Variants in PDE10A observed in about 807,000 individuals in gnomAD.
PDE10A encodes cAMP and cAMP-inhibited cGMP 3',5'-cyclic phosphodiesterase 10A.
PDE10A carries 39 observed loss-of-function variants against 97.7 expected under a neutral mutation model. The ratio of observed to expected loss-of-function variants is 0.40; its 90% confidence interval spans 0.31 to 0.52. The LOEUF is 0.52. Among genes scored for constraint, PDE10A ranks in the 20% least tolerant of loss-of-function variants. The probability of loss-of-function intolerance (pLI) is 0.56; values close to 1 mark genes in which losing one functional copy is unlikely to be tolerated. For missense variants in PDE10A, 731 were observed against 1,047.8 expected (o/e 0.70, Z 4.17); for synonymous variants, 371 against 376.8 (o/e 0.98, Z 0.18).
chr6:165,522,337 G>A (rs73247775), intron 2 of PDE10A, among the ~76,000 whole-genome samples: 1,577 of 152,116 alleles, frequency 0.01, 31 homozygotes, highest in African/African-American at 0.035. Flanking sequence ...ATCTGGCAAA[G>A]ACACAATGCA....
In PDE10A at chr6:165,329,962, C is replaced by T. The variant is rs1195102607; in HGVS notation, c.*3063G>A. The T allele has an allele frequency of 2.0e-5, 3 of 152,176 alleles. No individual in the cohort carries two copies. The highest frequency in any genetic ancestry group is 4.4e-5 in the Non-Finnish European group (3 of 68,020). 9.4% of individuals were successfully genotyped at this position (152,176 alleles called of 1,614,324 possible). ...GGCTATTTTTTAGAATTAGTTTCCACATCCATTGTATTTCTTTTGACCCTT... is the reference window on the plus strand; with the variant it reads ...GGCTATTTTTTAGAATTAGTTTCCATATCCATTGTATTTCTTTTGACCCTT... On this transcript the variant is annotated 3_prime_UTR_variant, in exon 22 of 22. Coordinates refer to ENST00000539869, the MANE Select transcript of PDE10A (RefSeq NM_001385079.1).
intron 1 of PDE10A, among the ~76,000 whole-genome samples, chr6:165,879,955 G>A (rs975383599): frequency 2.6e-5 from 4 of 151,532 alleles, no homozygotes; most frequent in African/African-American, 9.7e-5. Context: ...CAGTAAAGTT[G>A]GGAAATTTAT....
At chr6:165,504,392 A>T (rs1781073522) in intron 2 of PDE10A, among the ~76,000 whole-genome samples, 1 of 152,234 alleles carries the variant, frequency 6.6e-6, no homozygotes, top group Non-Finnish European at 1.5e-5. Flanking sequence ...AATAAATGAC[A>T]GCATCATTAA....
chr6:165,710,945 A>G (rs1359677389), intron 1 of PDE10A, among the ~76,000 whole-genome samples: 1 of 152,230 alleles, frequency 6.6e-6, no homozygotes, highest in Non-Finnish European at 1.5e-5. Context: ...CCCGGCTAAG[A>G]GCCGTAAGAG....
chr6:165,848,745 A>T (rs888917431), intron 1 of PDE10A, among the ~76,000 whole-genome samples: 1 of 152,192 alleles, frequency 6.6e-6, no homozygotes, highest in Non-Finnish European at 1.5e-5. Flanking sequence ...TTGCTGTTCC[A>T]GAGGAACAGT....
At chr6:165,486,178 A>G (rs1779905977) in intron 2 of PDE10A, among the ~76,000 whole-genome samples, 1 of 152,248 alleles carries the variant, frequency 6.6e-6, no homozygotes, top group African/African-American at 2.4e-5. Context: ...CAAGGCAACA[A>G]TGCTTGTTAA....
intron 1 of PDE10A, among the ~76,000 whole-genome samples, chr6:165,607,233 C>T (rs1165538099): frequency 6.6e-6 from 1 of 152,184 alleles, no homozygotes; most frequent in East Asian, 1.9e-4. Context: ...TTAATTTGGA[C>T]AGCAATGCTT....
At chr6:165,770,726 C>G (rs930148880) in intron 1 of PDE10A, among the ~76,000 whole-genome samples, 4 of 152,208 alleles carry the variant, frequency 2.6e-5, no homozygotes, top group African/African-American at 7.2e-5. Flanking sequence ...GGGCATTAAC[C>G]TTCAAGCTGG....
intron 1 of PDE10A, among the ~76,000 whole-genome samples, chr6:165,847,131 C>A (rs956683979): frequency 1.3e-5 from 2 of 152,214 alleles, no homozygotes; most frequent in African/African-American, 4.8e-5. Context: ...ACCATACACA[C>A]CTAATCACAG....
chr6:165,390,419 T>C (rs1460766095), intron 16 of PDE10A, among the ~76,000 whole-genome samples: 3 of 152,166 alleles, frequency 2.0e-5, no homozygotes, highest in African/African-American at 7.2e-5. Context: ...ACATGGGGTT[T>C]ACTGCAAAGA....
chr6:165,526,844 C>A (rs1460591325), intron 2 of PDE10A, among the ~76,000 whole-genome samples: 1 of 152,216 alleles, frequency 6.6e-6, no homozygotes, highest in Non-Finnish European at 1.5e-5. Context: ...GCAAAGCCAG[C>A]AATATACCTT....
At chr6:165,946,498 TA>T (rs57063900) in intron 1 of PDE10A, among the ~76,000 whole-genome samples, 3,442 of 128,480 alleles carry the variant, frequency 0.027, 79 homozygotes, top group African/African-American at 0.056. Context: ...TATCTCAAAA[TA>T]AAAAAAAAAA....
chr6:165,621,771 A>AAAGAAGAAG (rs1554297071), intron 1 of PDE10A, among the ~76,000 whole-genome samples: 1,446 of 134,708 alleles, frequency 0.011, 35 homozygotes, highest in African/African-American at 0.037. Flanking sequence ...AAGAAAAAAA[A>AAAGAAGAAG]AAGAAGAAGA....
At chr6:165,406,228 A>ATGTGTGTGTTTGTG (rs1554256589) in intron 13 of PDE10A, among the ~76,000 whole-genome samples, 5,123 of 140,504 alleles carry the variant, frequency 0.036, 151 homozygotes, top group South Asian at 0.098. Context: ...AGGGAAAAGG[A>ATGTGTGTGTTTGTG]TGTGTGTGTG....
intron 1 of PDE10A, among the ~76,000 whole-genome samples, chr6:165,912,371 T>C (rs1169132238): frequency 6.6e-6 from 1 of 152,222 alleles, no homozygotes; most frequent in African/African-American, 2.4e-5. Context: ...AGTGTTGTGC[T>C]TGTTTCTGAG....
intron 1 of PDE10A, among the ~76,000 whole-genome samples, chr6:165,752,434 T>C (rs1054736056): frequency 2.0e-5 from 3 of 152,220 alleles, no homozygotes; most frequent in Non-Finnish European, 4.4e-5. Context: ...CCTGGGCTCC[T>C]GGCCTAGACA....
intron 2 of PDE10A, among the ~76,000 whole-genome samples, chr6:165,524,538 C>T (rs1018628517): frequency 2.0e-5 from 3 of 152,134 alleles, no homozygotes; most frequent in Non-Finnish European, 4.4e-5. Context: ...AACCAAGGAA[C>T]ATAATGAAGT....
At chr6:165,467,545 C>T (rs1778729193) in intron 3 of PDE10A, among the ~76,000 whole-genome samples, 1 of 152,138 alleles carries the variant, frequency 6.6e-6, no homozygotes, top group Non-Finnish European at 1.5e-5. Context: ...TCTAGAAATG[C>T]AAGAACAAAG....
chr6:165,387,243 T>C (rs1019444289), intron 17 of PDE10A, among the ~76,000 whole-genome samples: 1 of 152,190 alleles, frequency 6.6e-6, no homozygotes, highest in African/African-American at 2.4e-5. Context: ...TTTTCACTTC[T>C]ACCCAGAAGA....
Sources: allele counts gnomAD v4.1 joint callset (sites outside exome capture counted in the v4.1 genomes callset), GRCh38; gene constraint gnomAD v4.1.1; transcripts MANE v1.5; gene names NCBI Gene and HGNC (gene_info 2026-07-23, HGNC 2026-07-21).